The following MROH2A variants were observed in gnomAD, a reference collection of about 807,000 sequenced individuals.
The protein encoded by MROH2A is maestro heat-like repeat-containing protein family member 2A.
In MROH2A, 174 loss-of-function variants were observed where a neutral mutation model predicts 200.4. The ratio of observed to expected loss-of-function variants is 0.87; its 90% CI spans 0.77 to 0.98. The LOEUF (loss-of-function observed/expected upper bound fraction) is 0.98, where lower values mean the gene tolerates loss of function less well. Ranked by LOEUF, MROH2A falls within the 50% of genes least tolerant of loss-of-function variation. The pLI is 0.00. For missense variants in MROH2A, 2,045 were observed against 2,139.6 expected (o/e 0.96, Z 0.87); for synonymous variants, 829 against 840.4 (o/e 0.99, Z 0.23).
chr2:233,792,935 G>C, intron 6 of MROH2A, 41 bp downstream of exon 6: 1 of 1,543,160 alleles, frequency 6.5e-7, no homozygotes, highest in Non-Finnish European at 8.8e-7. Context: ...GCTCGATCAG[G>C]GCGCCGGAGG....
rs1250590900 is a variant in MROH2A at position 233,832,200 on chromosome 2, C to A, written c.4758C>A (p.Leu1586=). The change falls in exon 40 of 42, where the codon CTC becomes CTA. Residue 1586 remains leucine (L), a synonymous_variant. Transcript: ENST00000389758. ...AGACTCGGAAAAAGCCGGCTGTTCT[C>A]TACCGCTTCTTGCTAGAAACAATGG... ...SILTRKKPAV[L]YRFLLETMAY... 4 of 1,550,532 alleles carry A rather than the reference C, an allele frequency of 2.6e-6. No individual in the cohort carries two copies. The African/African-American group carries it at 5.5e-5, about 21-fold the overall frequency.
At position 233,823,516 on chromosome 2, in the gene MROH2A, G is replaced by A. The variant is rs1441489314; in HGVS notation, c.4005-40G>A. 2.0e-6 allele frequency: 3 copies of A among 1,534,854 alleles called. No individual in the cohort carries two copies. In the East Asian group the frequency reaches 7.4e-5, roughly 38 times the overall value. On this transcript the variant is annotated intron_variant, in intron 34 of 41. Coordinates refer to ENST00000389758, the MANE Select transcript of MROH2A (RefSeq NM_001394639.1). ...CTCTTGGCAAACGTCAGGCAGGGGT[G>A]GGGCCGCCTCCACGACCTGGCACTG...
At chr2:233,796,428 G>A (rs1332963438) in intron 11 of MROH2A, 115 bp downstream of exon 11, 2 of 689,744 alleles carry the variant, frequency 2.9e-6, no homozygotes, top group Non-Finnish European at 2.4e-6. Context: ...ACACTACTGG[G>A]TGGGCCAAGA....
At chr2:233,830,080 C>T (rs1704619697) in intron 38 of MROH2A, among the ~76,000 whole-genome samples, 1 of 152,198 alleles carries the variant, frequency 6.6e-6, no homozygotes, top group Non-Finnish European at 1.5e-5. Context: ...CTAGCAGATT[C>T]TGTAACTGGC....
intron 8 of MROH2A, among the ~76,000 whole-genome samples, chr2:233,794,812 G>A (rs1457933744): frequency 2.6e-5 from 4 of 152,172 alleles, no homozygotes; most frequent in African/African-American, 4.8e-5. Flanking sequence ...TGCGTAGCTT[G>A]AAGCAACAGA....
intron 3 of MROH2A, among the ~76,000 whole-genome samples, chr2:233,788,907 C>T (rs1464609432): frequency 7.3e-6 from 1 of 137,742 alleles, no homozygotes; most frequent in African/African-American, 2.7e-5. Context: ...CCACTGCACT[C>T]CAGCCCGGGC....
intron 15 of MROH2A, chr2:233,802,566 C>G (rs953940198): frequency 2.4e-6 from 1 of 410,628 alleles, no homozygotes; most frequent in Non-Finnish European, 4.4e-6. Flanking sequence ...AGCCCACAGC[C>G]CTGGTCCAGA....
In MROH2A at chr2:233,822,925, G is replaced by A. The variant is rs1036065355; in HGVS notation, c.3911G>A (p.Ser1304Asn). 2 of 1,550,508 alleles carry A rather than the reference G, an allele frequency of 1.3e-6. No individual in the cohort carries two copies. Among genetic ancestry groups the A allele is most frequent in the Admixed American group, 2.0e-5 (1 of 50,990 alleles). The change falls in exon 34 of 42, where the codon AGC (serine) becomes AAC (asparagine). Residue 1304 changes from serine (S) to asparagine (N), a missense_variant. This residue lies in a region of MROH2A where 1,201 missense variants were observed against 1,311.3 expected (regional missense o/e 0.92). Transcript: ENST00000389758. The stretch of plus-strand genomic sequence containing the variant: ...CAGCTCTTGTTCAAGAGAGTCAAGA[G>A]CCAGCACCTGGCACATACCCTGGAC... The part of the protein sequence containing the change: ...SMQLLFKRVK[S>N]QHLAHTLDEQ...
At position 233,822,050 on chromosome 2, in the gene MROH2A, G is replaced by C. The variant is rs1336327528; in HGVS notation, c.3513-74G>C. On this transcript the variant is annotated intron_variant, in intron 31 of 41. Coordinates refer to ENST00000389758, the MANE Select transcript of MROH2A (RefSeq NM_001394639.1). Reference sequence around the variant, plus strand: ...AACCCCTACTTAGGGGGCTGCCAAGGGTTTGAAAGGGATTCTTACCTGCCA... The same window carrying C: ...AACCCCTACTTAGGGGGCTGCCAAGCGTTTGAAAGGGATTCTTACCTGCCA... 17 of 1,475,108 alleles carry C rather than the reference G, an allele frequency of 1.2e-5. 1 individual carries two copies. The highest frequency in any genetic ancestry group is 9.1e-7 in the Non-Finnish European group (1 of 1,102,888). 91.4% of individuals were successfully genotyped at this position (1,475,108 alleles called of 1,614,324 possible).
Position 233,802,171 on chromosome 2 carries a change from T to G in MROH2A, c.1564T>G (p.Phe522Val). Residue 522 changes from phenylalanine to valine, a missense_variant, in exon 15 of 42, where the codon TTT (phenylalanine) becomes GTT (valine). Phe to Val is a conservative substitution (Grantham distance 50). Around this residue, in one of 3 missense-constraint regions of MROH2A, gnomAD observed 831 missense variants for 800.0 expected, o/e 1.04. Transcript: ENST00000389758. Reference protein sequence around the residue: ...TSSVSGMTTEFWVRLLCYIME... With the variant: ...TSSVSGMTTEVWVRLLCYIME... Reference sequence around the variant, plus strand: ...TTCTCTCCCACCCCTACCCCAGGAGTTTTGGGTGAGGCTGCTGTGCTACAT... The same window carrying G: ...TTCTCTCCCACCCCTACCCCAGGAGGTTTGGGTGAGGCTGCTGTGCTACAT... The G allele has an allele frequency of 6.5e-7, 1 of 1,548,118 alleles. No individual in the cohort carries two copies. The highest frequency in any genetic ancestry group is 8.7e-7 in the Non-Finnish European group (1 of 1,145,390).
At chr2:233,803,756 C>G (rs759969901) in intron 16 of MROH2A, among the ~76,000 whole-genome samples, 1 of 152,182 alleles carries the variant, frequency 6.6e-6, no homozygotes, top group Non-Finnish European at 1.5e-5. Flanking sequence ...ACTGCCAATG[C>G]CTGCCTACCC....
chr2:233,796,091 A>G, intron 10 of MROH2A, 46 bp downstream of exon 10: 4 of 1,541,874 alleles, frequency 2.6e-6, no homozygotes, highest in Non-Finnish European at 3.5e-6. Context: ...CGAGGCCTGC[A>G]GGAGGCCTGT....
chr2:233,819,439 C>A lies in MROH2A; in HGVS notation c.3327C>A (p.Leu1109=), dbSNP rs2124849435. The A allele has an allele frequency of 6.4e-7, 1 of 1,550,520 alleles. No individual in the cohort carries two copies. Among genetic ancestry groups the A allele is most frequent in the East Asian group, 2.4e-5 (1 of 40,920 alleles). ...KASVTWIAFF[L]QMRAKELEDK... ...CTGTCACCTGGATAGCCTTCTTCCT[C>A]CAGATGCGGGCCAAGGAGCTGGAGG... Residue 1109 remains leucine (L), a synonymous_variant, in exon 30 of 42, where the codon CTC becomes CTA. Coordinates refer to ENST00000389758, the MANE Select transcript of MROH2A (RefSeq NM_001394639.1).
chr2:233,824,623 T>A (rs1369622501), intron 35 of MROH2A, among the ~76,000 whole-genome samples: 1 of 152,242 alleles, frequency 6.6e-6, no homozygotes, highest in African/African-American at 2.4e-5. Context: ...GCTGATTGGC[T>A]GGAGATGAAG....
Position 233,828,660 on chromosome 2 carries a change from A to C in MROH2A, c.4144A>C (p.Lys1382Gln). The C allele has an allele frequency of 6.4e-7, 1 of 1,550,722 alleles. No individual in the cohort carries two copies. The highest frequency in any genetic ancestry group is 8.7e-7 in the Non-Finnish European group (1 of 1,147,012). ...FMSGPVLYQE[K>Q]LLKPAALLLE... ...GAGCGGCCCAGTTCTGTACCAGGAG[A>C]AGCTGCTGAAGCCGGCAGCTTTGCT... The change falls in exon 36 of 42, where the codon AAG becomes CAG. Residue 1382 changes from lysine (K) to glutamine (Q), a missense_variant. Lys to Gln is a moderately conservative substitution (Grantham distance 53). This residue lies in a region of MROH2A where 1,201 missense variants were observed against 1,311.3 expected (regional missense o/e 0.92). Transcript: ENST00000389758. The surrounding 1 kb of genome is among the most constrained non-coding windows in gnomAD (Gnocchi z 4.6).
chr2:233,787,630 T>TATATATATTATATATAC (rs1701313081), intron 3 of MROH2A, among the ~76,000 whole-genome samples: 2 of 55,570 alleles, frequency 3.6e-5, no homozygotes, highest in African/African-American at 9.2e-5. Context: ...ACATATATAT[T>TATATATATTATATATAC]ATATATATTA....
chr2:233,822,616 G>C, intron 33 of MROH2A, 60 bp downstream of exon 33: 1 of 1,504,036 alleles, frequency 6.6e-7, no homozygotes, highest in East Asian at 2.5e-5. Context: ...GCCACGGGCT[G>C]CCCCTTAGTT....
chr2:233,781,366 G>T lies in MROH2A; in HGVS notation c.276+1514G>T, dbSNP rs28899477. On this transcript the variant is annotated intron_variant, in intron 3 of 41. Coordinates refer to ENST00000389758, the MANE Select transcript of MROH2A (RefSeq NM_001394639.1). ...TATAGTCTTACCAACAATGTGTGAG[G>T]TTTCCCCTTTCTCCACATCCTTGCT... is the stretch of plus-strand genomic sequence containing the variant. Among the ~76,000 whole-genome samples the T allele has an allele frequency of 9.3e-3, 1,422 of 152,166 alleles. 18 individuals carry two copies. The highest frequency in any genetic ancestry group is 0.032 in the African/African-American group (1,340 of 41,520).
At chr2:233,829,152 A>G in intron 37 of MROH2A, 80 bp downstream of exon 37, 1 of 1,296,098 alleles carries the variant, frequency 7.7e-7, no homozygotes, top group Non-Finnish European at 1.0e-6. Flanking sequence ...GATGGGCTCT[A>G]GAGCAGAAAA....
Sources: gnomAD v4.1 joint callset for allele counts (sites outside exome capture counted in the v4.1 genomes callset) on GRCh38, gnomAD v4.1.1 for gene constraint, gnomAD v4.1.1 regional missense constraint, Gnocchi (gnomAD v3.1) non-coding constraint, MANE v1.5 for transcripts, NCBI Gene and HGNC (gene_info 2026-07-23, HGNC 2026-07-21) for gene names.